The following MCTP1 variants were observed in gnomAD, a reference collection of about 807,000 sequenced individuals.
The protein encoded by MCTP1 is multiple C2 and transmembrane domain-containing protein 1.
Under a neutral mutation model 120.6 loss-of-function variants are expected in MCTP1, and 69 were observed. That is an observed-to-expected ratio of 0.57 (90% CI 0.47 to 0.70). The LOEUF (loss-of-function observed/expected upper bound fraction) is 0.70. Among genes scored for constraint, MCTP1 ranks in the 30% least tolerant of loss-of-function variants. MCTP1 has a pLI of 0.00. For missense variants in MCTP1, 1,203 were observed against 1,248.8 expected, an observed-to-expected ratio of 0.96 and a Z score of 0.55; for synonymous variants, 529 against 493.1, an observed-to-expected ratio of 1.07 and a Z score of -0.96.
At chr5:95,138,085 C>T (rs535263766) in intron 1 of MCTP1, among the ~76,000 whole-genome samples, 2 of 152,008 alleles carry the variant, frequency 1.3e-5, no homozygotes, top group South Asian at 4.2e-4. Flanking sequence ...TGTTTTTCTC[C>T]CACTTTTGTT....
chr5:95,185,619 C>A (rs1749119429), intron 1 of MCTP1, among the ~76,000 whole-genome samples: 1 of 152,098 alleles, frequency 6.6e-6, no homozygotes, highest in Non-Finnish European at 1.5e-5. Flanking sequence ...CCTGTCTCTA[C>A]TAAAAATAGA....
At position 94,953,357 on chromosome 5, in the gene MCTP1, C is replaced by T. The variant is rs756372560; in HGVS notation, c.843G>A (p.Thr281=). 5.0e-6 allele frequency: 8 copies of T among 1,602,494 alleles called. No individual in the cohort carries two copies. The highest frequency in any genetic ancestry group is 2.7e-5 in the African/African-American group (2 of 74,538). Residue 281 remains threonine (T), a synonymous_variant, in exon 3 of 23, where the codon ACG becomes ACA. Coordinates refer to ENST00000515393, the MANE Select transcript of MCTP1 (RefSeq NM_024717.7). The part of the protein sequence containing the change: ...QSLAARDRGG[T]SDPYVKFKIG... ...TTTTAAACTTCACATATGGATCACT[C>T]GTCCCTGTTAAATAGATAGATTGAT...
intron 1 of MCTP1, among the ~76,000 whole-genome samples, chr5:95,033,804 C>A (rs1429306423): frequency 6.6e-6 from 1 of 152,038 alleles, no homozygotes; most frequent in East Asian, 1.9e-4. Flanking sequence ...ACAACGTGAT[C>A]CAATAGCTAG....
At position 95,009,065 on chromosome 5, in the gene MCTP1, A is replaced by G. The variant is rs1318592518; in HGVS notation, c.838+8302T>C. ...GAGTGAGAGAGGGAGAAAGAGAGAG[A>G]GAGAGAGAGAGAGAGAGAGAGAGAG... On this transcript the variant is annotated intron_variant, in intron 2 of 22. Transcript: ENST00000515393. 3.1e-4 allele frequency among the ~76,000 whole-genome samples: 5 copies of G among 16,066 alleles called. No homozygotes were observed. The Non-Finnish European group carries it at 3.1e-3, about 10-fold the overall frequency. The allele number at this position is 16,066 out of a possible 152,430, so 10.5% of individuals were successfully genotyped here.
chr5:94,759,431 A>G (rs1403166307), intron 19 of MCTP1, among the ~76,000 whole-genome samples: 1 of 152,188 alleles, frequency 6.6e-6, no homozygotes, highest in African/African-American at 2.4e-5. Flanking sequence ...ACTAAAGGCC[A>G]AAAAAGAACA....
chr5:95,188,811 A>C (rs1315811801), intron 1 of MCTP1, among the ~76,000 whole-genome samples: 1 of 152,082 alleles, frequency 6.6e-6, no homozygotes, highest in African/African-American at 2.4e-5. Context: ...CTAAATATAC[A>C]CACACACACT....
intron 19 of MCTP1, among the ~76,000 whole-genome samples, chr5:94,716,119 C>T (rs565878957): frequency 6.6e-6 from 1 of 152,252 alleles, no homozygotes; most frequent in South Asian, 2.1e-4. Context: ...TACACTGGGA[C>T]CAAGGACATG....
chr5:95,025,931 T>C (rs1315196759), intron 1 of MCTP1, among the ~76,000 whole-genome samples: 2 of 152,008 alleles, frequency 1.3e-5, no homozygotes, highest in African/African-American at 4.8e-5. Context: ...AACACCTGAG[T>C]AATATGTGTG....
chr5:95,150,846 C>T (rs1418343918), intron 1 of MCTP1, among the ~76,000 whole-genome samples: 1 of 152,116 alleles, frequency 6.6e-6, no homozygotes, highest in African/African-American at 2.4e-5. Flanking sequence ...ACTTTTGACT[C>T]CTCAAAAACT....
At chr5:94,949,272 A>G (rs1442690896) in intron 3 of MCTP1, among the ~76,000 whole-genome samples, 2 of 152,174 alleles carry the variant, frequency 1.3e-5, no homozygotes, top group Admixed American at 1.3e-4. Context: ...AATTCAACTG[A>G]AATGGGTGTC....
chr5:95,204,424 T>G (rs1333864039), intron 1 of MCTP1, among the ~76,000 whole-genome samples: 1 of 152,172 alleles, frequency 6.6e-6, no homozygotes, highest in Non-Finnish European at 1.5e-5. Flanking sequence ...TCATACTTAA[T>G]GGTGAAGGAT....
intron 17 of MCTP1, among the ~76,000 whole-genome samples, chr5:94,811,690 A>T (rs761133106): frequency 1.3e-5 from 2 of 152,230 alleles, no homozygotes; most frequent in African/African-American, 2.4e-5. Context: ...GATGGCTCAA[A>T]TTAGTCCGCA....
Position 95,273,004 on chromosome 5 carries a change from G to C in MCTP1, c.720+10852C>G, listed in dbSNP as rs560568259. ...TTTAGAAGTAGAGGAAAACAAAGAA[G>C]AAAAGAGAAGGTGCAGCCCACGTCT... On this transcript the variant is annotated intron_variant, in intron 1 of 22. Transcript: ENST00000515393. 2.6e-5 allele frequency among the ~76,000 whole-genome samples: 4 copies of C among 152,318 alleles called. No individual in the cohort carries two copies. The East Asian group carries it at 7.7e-4, about 29-fold the overall frequency.
intron 17 of MCTP1, among the ~76,000 whole-genome samples, chr5:94,846,797 A>G (rs938103674): frequency 6.8e-6 from 1 of 146,568 alleles, no homozygotes; most frequent in Non-Finnish European, 1.5e-5. Context: ...GTCTCCGTAC[A>G]TGTGTGTCTC....
At chr5:94,774,632 T>G (rs1774899465) in intron 19 of MCTP1, among the ~76,000 whole-genome samples, 1 of 152,186 alleles carries the variant, frequency 6.6e-6, no homozygotes, top group African/African-American at 2.4e-5. Context: ...AGAACCCAAC[T>G]GAGCTGTGCT....
intron 19 of MCTP1, among the ~76,000 whole-genome samples, chr5:94,760,600 A>G (rs1000421032): frequency 6.6e-6 from 1 of 152,192 alleles, no homozygotes; most frequent in African/African-American, 2.4e-5. Flanking sequence ...TAACACCCAC[A>G]TATGCTACCT....
At chr5:95,109,810 C>T (rs879801282) in intron 1 of MCTP1, among the ~76,000 whole-genome samples, 8 of 152,176 alleles carry the variant, frequency 5.3e-5, no homozygotes, top group South Asian at 2.1e-4. Flanking sequence ...AATACTTCAT[C>T]AGCTCAAATG....
At chr5:94,719,378 A>G (rs547767225) in intron 19 of MCTP1, among the ~76,000 whole-genome samples, 9 of 152,234 alleles carry the variant, frequency 5.9e-5, no homozygotes, top group African/African-American at 1.9e-4. Context: ...ATTGCAGACT[A>G]TTCACAAAAG....
intron 1 of MCTP1, chr5:95,081,683 C>G: frequency 1.1e-5 from 15 of 1,308,328 alleles, no homozygotes; most frequent in Middle Eastern, 2.7e-4. Flanking sequence ...AATAACGTAG[C>G]TTTAGATTCA....
Sources: gnomAD v4.1 joint callset for allele counts (sites outside exome capture counted in the v4.1 genomes callset) on GRCh38, gnomAD v4.1.1 for gene constraint, MANE v1.5 for transcripts, NCBI Gene and HGNC (gene_info 2026-07-23, HGNC 2026-07-21) for gene names.